CASP5: variants seen among roughly 807,000 people sequenced by gnomAD.
CASP5 encodes the protein caspase 5, also known as caspase-5.
CASP5 carries 42 observed loss-of-function variants against 45.2 expected under a neutral mutation model. The ratio of observed to expected loss-of-function variants is 0.93; its 90% CI spans 0.73 to 1.20. CASP5 has a LOEUF of 1.20. Ranked by LOEUF, CASP5 falls within the 50% of genes most tolerant of loss-of-function variation. The probability of loss-of-function intolerance (pLI) is 0.00; values close to 1 mark genes in which losing one functional copy is unlikely to be tolerated. For missense variants in CASP5, 512 were observed against 532.2 expected (o/e 0.96, Z 0.37); for synonymous variants, 209 against 186.2 (o/e 1.12, Z -1.00).
chr11:105,007,385 C>T (rs1862063561), intron 2 of CASP5, 51 bp from the exon 3 acceptor site: 1 of 1,508,546 alleles, frequency 6.6e-7, no homozygotes, highest in Non-Finnish European at 8.9e-7. Flanking sequence ...TTAAAGAGTT[C>T]TGCCTTCACC....
chr11:105,010,145 G>T (rs376003648), intron 1 of CASP5, among the ~76,000 whole-genome samples: 1 of 150,394 alleles, frequency 6.6e-6, no homozygotes, highest in Non-Finnish European at 1.5e-5. Context: ...CAAAATTTTG[G>T]CCTAGAAGCA....
chr11:105,011,938 A>G (rs1008094766), intron 1 of CASP5, among the ~76,000 whole-genome samples: 1 of 151,814 alleles, frequency 6.6e-6, no homozygotes, highest in African/African-American at 2.4e-5. Context: ...AGGAAAATCA[A>G]CCTTAAAATT....
intron 1 of CASP5, among the ~76,000 whole-genome samples, chr11:105,014,617 GTT>G (rs1346797030): frequency 6.6e-6 from 1 of 152,112 alleles, no homozygotes; most frequent in Non-Finnish European, 1.5e-5. Flanking sequence ...AGGTAAGTAA[GTT>G]TGATTTTATT....
At chr11:105,009,758 T>TATATATATACAC (rs1555079440) in intron 1 of CASP5, among the ~76,000 whole-genome samples, 13 of 90,272 alleles carry the variant, frequency 1.4e-4, no homozygotes, top group East Asian at 6.2e-4. Flanking sequence ...TATATATATA[T>TATATATATACAC]ACACACACAC....
chr11:104,998,946 T>A lies in CASP5; in HGVS notation c.1035A>T (p.Ala345=). 6.2e-7 allele frequency: 1 copy of A among 1,613,938 alleles called. No homozygotes were observed. The highest frequency in any genetic ancestry group is 1.1e-5 in the South Asian group (1 of 91,066). Residue 345 remains alanine (A), a synonymous_variant, in exon 7 of 10, where the codon GCA becomes GCT. Transcript: ENST00000260315. ...ISSQSSENLE[A]DSVCKIHEEK... ...CCTCGTGGATCTTGCAAACAGAATC[T>A]GCCTCCAGGTTCTCAGATGACTGTG...
intron 4 of CASP5, among the ~76,000 whole-genome samples, chr11:105,002,745 C>A (rs1861801950): frequency 1.3e-5 from 2 of 151,660 alleles, no homozygotes; most frequent in African/African-American, 4.8e-5. Context: ...CAAATTGATA[C>A]AAAAATCAAT....
rs982703199 is a variant in CASP5, at chr11:104,999,607, AAC to A, written c.953-581_953-580del. Among the ~76,000 whole-genome samples, 726 of 152,166 alleles carry A rather than the reference AAC, an allele frequency of 4.8e-3. 9 individuals are homozygous for A. Among genetic ancestry groups the A allele is most frequent in the African/African-American group, 0.016 (676 of 41,528 alleles). On this transcript the variant is annotated intron_variant, in intron 6 of 9. Coordinates refer to ENST00000260315, the MANE Select transcript of CASP5 (RefSeq NM_004347.5). ...ATACATACAGACCCACACACATGCA[AAC>A]ACACACACACATTTTGCTTTGTCTC...
intron 3 of CASP5, among the ~76,000 whole-genome samples, chr11:105,005,827 T>A (rs182769650): frequency 2.0e-5 from 3 of 152,318 alleles, no homozygotes. Flanking sequence ...AAACCGATAT[T>A]TTTTCCTCAT....
chr11:105,012,672 T>G (rs1591171840), intron 1 of CASP5, among the ~76,000 whole-genome samples: 1 of 151,622 alleles, frequency 6.6e-6, no homozygotes, highest in Non-Finnish European at 1.5e-5. Flanking sequence ...ATGCTCAACA[T>G]CTCTGATCAC....
intron 1 of CASP5, 141 bp from the exon 2 acceptor site, chr11:105,009,121 C>T: frequency 1.4e-6 from 1 of 707,902 alleles, no homozygotes. Flanking sequence ...CTCATTATTT[C>T]TTTGTACCTG....
chr11:105,022,628 G>T (rs1863030446), intron 1 of CASP5, among the ~76,000 whole-genome samples: 1 of 152,098 alleles, frequency 6.6e-6, no homozygotes, highest in African/African-American at 2.4e-5. Flanking sequence ...CATTATAAGA[G>T]TTAGTACCAG....
intron 5 of CASP5, among the ~76,000 whole-genome samples, chr11:105,001,103 T>C (rs1351797294): frequency 2.0e-5 from 3 of 152,208 alleles, no homozygotes; most frequent in Admixed American, 6.5e-5. Context: ...CACAGAGGCT[T>C]TTCTGGACCA....
intron 3 of CASP5, among the ~76,000 whole-genome samples, chr11:105,006,439 G>A (rs1377006028): frequency 1.3e-5 from 2 of 152,164 alleles, no homozygotes; most frequent in Admixed American, 1.3e-4. Context: ...GCAGAAACTT[G>A]GTGCATGTTA....
intron 7 of CASP5, 36 bp downstream of exon 7, chr11:104,998,849 C>G (rs769023333): frequency 2.5e-6 from 4 of 1,601,272 alleles, no homozygotes; most frequent in Non-Finnish European, 3.4e-6. Context: ...GGCCTCAGCA[C>G]CCCCAAATTT....
chr11:105,020,242 G>A (rs1200057175), intron 1 of CASP5, among the ~76,000 whole-genome samples: 3 of 149,830 alleles, frequency 2.0e-5, no homozygotes, highest in African/African-American at 7.3e-5. Flanking sequence ...TTTGAAAACT[G>A]GCACAAGACA....
intron 1 of CASP5, among the ~76,000 whole-genome samples, chr11:105,012,798 C>A (rs1036748949): frequency 6.6e-6 from 1 of 151,404 alleles, no homozygotes; most frequent in Non-Finnish European, 1.5e-5. Flanking sequence ...AAAAGGAACT[C>A]TTGTATACTG....
At chr11:105,005,211 T>G (rs1861943325) in intron 3 of CASP5, among the ~76,000 whole-genome samples, 1 of 152,082 alleles carries the variant, frequency 6.6e-6, no homozygotes. Flanking sequence ...AGGAATCTGC[T>G]CAGGAATCTC....
At chr11:104,999,833 C>T (rs954886137) in intron 6 of CASP5, among the ~76,000 whole-genome samples, 3 of 152,220 alleles carry the variant, frequency 2.0e-5, no homozygotes, top group Admixed American at 2.0e-4. Flanking sequence ...ACTCCCAACT[C>T]ATTTTCCCTT....
intron 1 of CASP5, among the ~76,000 whole-genome samples, chr11:105,009,421 A>G (rs970909071): frequency 2.6e-5 from 4 of 151,588 alleles, no homozygotes; most frequent in African/African-American, 4.8e-5. Context: ...TGAATTAACT[A>G]TATCTTTGAA....
Sources: allele counts gnomAD v4.1 joint callset (sites outside exome capture counted in the v4.1 genomes callset), GRCh38; gene constraint gnomAD v4.1.1; transcripts MANE v1.5; gene names NCBI Gene and HGNC (gene_info 2026-07-23, HGNC 2026-07-21).